RAPGEF4: variants seen among roughly 807,000 people sequenced by gnomAD.
The protein encoded by RAPGEF4 is Rap guanine nucleotide exchange factor 4.
A neutral mutation model predicts 147.9 loss-of-function variants in RAPGEF4; 66 were observed. The ratio of observed to expected loss-of-function variants is 0.45; its 90% CI spans 0.37 to 0.55. The LOEUF is 0.55. RAPGEF4 is among the 20% of genes least tolerant of loss of function. The probability of loss-of-function intolerance (pLI) is 0.00; values close to 1 mark genes in which losing one functional copy is unlikely to be tolerated. For missense variants in RAPGEF4, 1,071 were observed against 1,257.3 expected, an observed-to-expected ratio of 0.85 and a Z score of 2.24; for synonymous variants, 419 against 442.7, an observed-to-expected ratio of 0.95 and a Z score of 0.67.
chr2:172,989,890 G>T (rs1452740961), intron 14 of RAPGEF4, among the ~76,000 whole-genome samples: 1 of 152,038 alleles, frequency 6.6e-6, no homozygotes, highest in Non-Finnish European at 1.5e-5. Context: ...GTTACTTAAT[G>T]ATGATTTACA....
intron 6 of RAPGEF4, among the ~76,000 whole-genome samples, chr2:172,960,477 T>C (rs542888305): frequency 6.6e-6 from 1 of 152,304 alleles, no homozygotes; most frequent in Admixed American, 6.5e-5. Context: ...AATAGATATT[T>C]ATTTCCTCTT....
intron 4 of RAPGEF4, among the ~76,000 whole-genome samples, chr2:172,904,441 G>A (rs891240218): frequency 2.9e-4 from 44 of 152,280 alleles, no homozygotes; most frequent in African/African-American, 9.4e-4. Context: ...CAATTAAGTA[G>A]CATTGACCTA....
chr2:173,049,511 C>A lies in RAPGEF4; in HGVS notation c.2908+857C>A, dbSNP rs116155094. ...GACATGAATCTGAGGCTACCAGTAC[C>A]GTCTCCTCCAATAAACCGAGTGCTA... On this transcript the variant is annotated intron_variant, in intron 30 of 30. Coordinates refer to ENST00000397081, the MANE Select transcript of RAPGEF4 (RefSeq NM_007023.4). Among the ~76,000 whole-genome samples the A allele has an allele frequency of 2.3e-3, 351 of 152,304 alleles. 3 individuals are homozygous for A. Among genetic ancestry groups the A allele is most frequent in the African/African-American group, 7.9e-3 (329 of 41,570 alleles).
At chr2:172,928,188 C>T (rs1367163957) in intron 6 of RAPGEF4, 3 of 455,496 alleles carry the variant, frequency 6.6e-6, no homozygotes, top group Non-Finnish European at 1.3e-5. Context: ...ACAACTTCAG[C>T]TCTCCAGTCT....
rs71018523 is a variant in RAPGEF4, at chr2:172,897,732, CTATTTTATTT to C, written c.445-20044_445-20035del. On this transcript the variant is annotated intron_variant, in intron 4 of 30. Coordinates refer to ENST00000397081, the MANE Select transcript of RAPGEF4 (RefSeq NM_007023.4). ...GATGCTTTTGAATGGGAGTTTTCAT[CTATTTTATTT>C]TATTTTATTTTATTTTATTTTATTT... Among the ~76,000 whole-genome samples, 50 of 134,174 alleles carry C rather than the reference CTATTTTATTT, an allele frequency of 3.7e-4. 1 individual carries two copies. The highest frequency in any genetic ancestry group is 1.8e-3 in the Admixed American group (24 of 13,270). The allele number at this position is 134,174 out of a possible 152,430, so 88.0% of individuals were successfully genotyped here.
intron 4 of RAPGEF4, among the ~76,000 whole-genome samples, chr2:172,842,427 A>G (rs1432252457): frequency 6.6e-6 from 1 of 152,212 alleles, no homozygotes; most frequent in East Asian, 1.9e-4. Context: ...CCTTGAAACA[A>G]CAACACCTCT....
At chr2:172,942,721 A>G (rs1037566649) in intron 6 of RAPGEF4, among the ~76,000 whole-genome samples, 1 of 152,174 alleles carries the variant, frequency 6.6e-6, no homozygotes, top group Non-Finnish European at 1.5e-5. Flanking sequence ...TAGTTGCTAC[A>G]TTTTTAAAGA....
At chr2:172,767,662 C>A (rs1320142095) in intron 1 of RAPGEF4, among the ~76,000 whole-genome samples, 1 of 152,022 alleles carries the variant, frequency 6.6e-6, no homozygotes, top group Non-Finnish European at 1.5e-5. Context: ...GGTTATATTT[C>A]TTTTTTTATT....
At position 173,017,829 on chromosome 2, in the gene RAPGEF4, A is replaced by G. The variant is rs117324171; in HGVS notation, c.2008+325A>G. On this transcript the variant is annotated intron_variant, in intron 21 of 30. Transcript: ENST00000397081. ...GCTGGTGGGAAGGTAGCTGGCGCCTAGTGGGTGCCAAGGAGACAATGGATC... is the reference window on the plus strand; with the variant it reads ...GCTGGTGGGAAGGTAGCTGGCGCCTGGTGGGTGCCAAGGAGACAATGGATC... 3.8e-4 allele frequency among the ~76,000 whole-genome samples: 58 copies of G among 152,258 alleles called. No individual in the cohort carries two copies. In the East Asian group the frequency reaches 9.3e-3, roughly 24 times the overall value.
At chr2:172,956,182 C>A (rs1353598996) in intron 6 of RAPGEF4, among the ~76,000 whole-genome samples, 3 of 152,140 alleles carry the variant, frequency 2.0e-5, no homozygotes, top group Non-Finnish European at 2.9e-5. Context: ...CAGCAGGACA[C>A]CTGGCTCAGG....
At chr2:172,917,080 T>C (rs1371711629) in intron 4 of RAPGEF4, among the ~76,000 whole-genome samples, 1 of 152,200 alleles carries the variant, frequency 6.6e-6, no homozygotes, top group Non-Finnish European at 1.5e-5. Context: ...TTGGATGCTC[T>C]AGATGGCTTT....
At chr2:172,790,915 A>G (rs1438732020) in intron 1 of RAPGEF4, among the ~76,000 whole-genome samples, 1 of 152,168 alleles carries the variant, frequency 6.6e-6, no homozygotes, top group African/African-American at 2.4e-5. Context: ...GAGACTGGGT[A>G]ATTCAAAAAG....
intron 4 of RAPGEF4, chr2:172,821,761 A>AAAT: frequency 2.8e-6 from 3 of 1,087,844 alleles, no homozygotes; most frequent in Non-Finnish European, 2.3e-6. Flanking sequence ...AAAAAAAAAA[A>AAAT]GGAAGTGTTT....
chr2:172,996,930 T>C (rs13413796), intron 16 of RAPGEF4, among the ~76,000 whole-genome samples: 84,533 of 152,046 alleles, frequency 0.56, 24,646 homozygotes, highest in East Asian at 0.89. Flanking sequence ...CTTGCTCCAG[T>C]TGGGAGTAAG....
rs142804064 is a variant in RAPGEF4, at chr2:172,806,926, G to A, written c.298-7353G>A. ...AAAATTTGAAGAACATGTGTGTTTC[G>A]TTGTAATGCGGATCTCTCTACCTTT... On this transcript the variant is annotated intron_variant, in intron 3 of 30. Transcript: ENST00000397081. 1.2e-3 allele frequency among the ~76,000 whole-genome samples: 187 copies of A among 152,262 alleles called. 2 individuals are homozygous for A. The highest frequency in any genetic ancestry group is 4.2e-3 in the African/African-American group (174 of 41,552).
At chr2:172,746,071 C>T (rs1051620274) in intron 1 of RAPGEF4, among the ~76,000 whole-genome samples, 6 of 151,928 alleles carry the variant, frequency 3.9e-5, no homozygotes, top group Admixed American at 1.3e-4. Flanking sequence ...ATTGTTTTTT[C>T]GCATTTGAGC....
chr2:173,040,718 T>C (rs1372713460), intron 29 of RAPGEF4, among the ~76,000 whole-genome samples: 2 of 152,214 alleles, frequency 1.3e-5, no homozygotes, highest in Admixed American at 6.5e-5. Context: ...ATTAGAGAAT[T>C]TGTTGCTTAT....
Position 172,983,529 on chromosome 2 carries a change from T to G in RAPGEF4, c.1038T>G (p.Ile346Met). ...PGQRTVDDLE[I>M]IYEELLHIKA... Reference sequence around the variant, plus strand: ...AGAGGACTGTGGATGACCTAGAGATTATCTATGAGGAGCTTCTTCATATTA... The same window carrying G: ...AGAGGACTGTGGATGACCTAGAGATGATCTATGAGGAGCTTCTTCATATTA... The change falls in exon 11 of 31, where the codon ATT (isoleucine) becomes ATG (methionine). Residue 346 changes from isoleucine to methionine, a missense_variant. Ile to Met is a conservative substitution (Grantham distance 10). Transcript: ENST00000397081. The G allele has an allele frequency of 3.1e-6, 5 of 1,613,600 alleles. No individual in the cohort carries two copies. The highest frequency in any genetic ancestry group is 4.2e-6 in the Non-Finnish European group (5 of 1,179,968).
intron 6 of RAPGEF4, among the ~76,000 whole-genome samples, chr2:172,936,259 C>T (rs1686552084): frequency 6.6e-6 from 1 of 152,018 alleles, no homozygotes; most frequent in South Asian, 2.1e-4. Context: ...CCCAGCTACT[C>T]TGAAGGCTGA....
Sources: gnomAD v4.1 joint callset for allele counts (sites outside exome capture counted in the v4.1 genomes callset) on GRCh38, gnomAD v4.1.1 for gene constraint, MANE v1.5 for transcripts, NCBI Gene and HGNC (gene_info 2026-07-23, HGNC 2026-07-21) for gene names.